The following MYO1F variants were observed in gnomAD, a reference collection of about 807,000 sequenced individuals.
MYO1F encodes myosin IF.
Under a neutral mutation model 146.6 loss-of-function variants are expected in MYO1F, and 60 were observed. The ratio of observed to expected loss-of-function variants is 0.41; its 90% CI spans 0.33 to 0.51. The LOEUF (loss-of-function observed/expected upper bound fraction) is 0.51, where lower values mean the gene tolerates loss of function less well. MYO1F is among the 20% of genes least tolerant of loss of function. MYO1F has a pLI of 0.25. For missense variants in MYO1F, 1,274 were observed against 1,534.3 expected, an observed-to-expected ratio of 0.83 and a Z score of 2.83; for synonymous variants, 602 against 602.1, an observed-to-expected ratio of 1.00 and a Z score of 0.00.
intron 1 of MYO1F, among the ~76,000 whole-genome samples, chr19:8,572,866 T>C (rs1197236352): frequency 1.3e-5 from 2 of 152,102 alleles, no homozygotes; most frequent in Admixed American, 1.3e-4. Context: ...TGGCTAACTT[T>C]TAAATGCTTT....
intron 16 of MYO1F, among the ~76,000 whole-genome samples, chr19:8,537,522 A>G (rs1170072609): frequency 1.3e-5 from 2 of 152,000 alleles, no homozygotes. Context: ...GCTCACTGCA[A>G]CCTCCACCAC....
At chr19:8,549,112 G>A (rs908967412) in intron 10 of MYO1F, among the ~76,000 whole-genome samples, 2 of 151,910 alleles carry the variant, frequency 1.3e-5, no homozygotes, top group African/African-American at 4.8e-5. Flanking sequence ...CACCACGCCC[G>A]GCTAATTCTT....
At chr19:8,547,983 T>TG in intron 12 of MYO1F, 53 bp downstream of exon 12, 55 of 1,371,014 alleles carry the variant, frequency 4.0e-5, no homozygotes, top group Non-Finnish European at 5.0e-5. Flanking sequence ...TCATGGTCCT[T>TG]CCACCCCACC....
intron 1 of MYO1F, among the ~76,000 whole-genome samples, chr19:8,564,052 G>C (rs2041956192): frequency 6.6e-6 from 1 of 152,104 alleles, no homozygotes; most frequent in South Asian, 2.1e-4. Context: ...GTTAATGTCG[G>C]GATTTAAAGG....
At chr19:8,560,410 G>A (rs967190711) in intron 1 of MYO1F, among the ~76,000 whole-genome samples, 12 of 151,328 alleles carry the variant, frequency 7.9e-5, no homozygotes, top group Admixed American at 2.6e-4. Flanking sequence ...GCTTGATCCC[G>A]GGAGGCAGAG....
At chr19:8,526,344 CAA>C (rs1210286261) in intron 24 of MYO1F, 107 bp downstream of exon 24, 11 of 1,463,776 alleles carry the variant, frequency 7.5e-6, no homozygotes, top group African/African-American at 5.9e-5. Flanking sequence ...CCACAAAACT[CAA>C]AAGTCTCTCT....
At chr19:8,572,564 G>A (rs188017021) in intron 1 of MYO1F, among the ~76,000 whole-genome samples, 4 of 152,166 alleles carry the variant, frequency 2.6e-5, no homozygotes, top group East Asian at 1.9e-4. Context: ...CACTGTGCCC[G>A]TGCCCAGTTA....
chr19:8,572,801 T>A (rs1555732293), intron 1 of MYO1F, among the ~76,000 whole-genome samples: 1 of 152,166 alleles, frequency 6.6e-6, no homozygotes, highest in East Asian at 1.9e-4. Context: ...GCTCAAGTGA[T>A]CTTCCCACCT....
intron 10 of MYO1F, among the ~76,000 whole-genome samples, 166 bp from the exon 11 acceptor site, chr19:8,548,483 C>T (rs984089766): frequency 6.6e-6 from 1 of 152,046 alleles, no homozygotes; most frequent in Non-Finnish European, 1.5e-5. Context: ...TGTGTACAGT[C>T]TCCCCACCCC....
At position 8,571,965 on chromosome 19, in the gene MYO1F, C is replaced by T. The variant is rs1210894237; in HGVS notation, c.3+5342G>A. Among the ~76,000 whole-genome samples, 9 of 151,746 alleles carry T rather than the reference C, an allele frequency of 5.9e-5. No individual in the cohort carries two copies. In the East Asian group the frequency reaches 1.2e-3, roughly 20 times the overall value. ...GTCTCGATCTCCTGACTTCGTGATC[C>T]GCACGCCTCGGCCTCCTAAAGTATT... On this transcript the variant is annotated intron_variant, in intron 1 of 27. Coordinates refer to ENST00000644032, the MANE Select transcript of MYO1F (RefSeq NM_012335.4).
chr19:8,539,859 G>T, intron 16 of MYO1F, 88 bp downstream of exon 16: 2 of 1,165,440 alleles, frequency 1.7e-6, no homozygotes, highest in Non-Finnish European at 2.5e-6. Flanking sequence ...GACAGACGTT[G>T]GAATGAGAGA....
intron 1 of MYO1F, among the ~76,000 whole-genome samples, chr19:8,562,296 G>A (rs146368535): frequency 4.8e-4 from 73 of 151,786 alleles, no homozygotes; most frequent in Non-Finnish European, 9.6e-4. Context: ...CCACCGCACC[G>A]GCCCTTCCTT....
At chr19:8,569,866 C>T (rs2042077209) in intron 1 of MYO1F, among the ~76,000 whole-genome samples, 1 of 152,120 alleles carries the variant, frequency 6.6e-6, no homozygotes. Context: ...AGCACATAGT[C>T]CTGCTGGCCT....
intron 1 of MYO1F, among the ~76,000 whole-genome samples, chr19:8,574,708 T>C (rs1217377477): frequency 6.7e-6 from 1 of 149,956 alleles, no homozygotes; most frequent in Non-Finnish European, 1.5e-5. Context: ...TCTCTTTCTT[T>C]CTTTTTCTTT....
intron 1 of MYO1F, among the ~76,000 whole-genome samples, chr19:8,574,529 CCCTT>C (rs1555732786): frequency 3.6e-4 from 50 of 139,638 alleles, no homozygotes; most frequent in East Asian, 1.0e-3. Flanking sequence ...CTTCTTTTTT[CCCTT>C]TCTTTCTTTC....
Position 8,561,435 on chromosome 19 carries a change from C to T in MYO1F, c.4-5639G>A, listed in dbSNP as rs1471089705. ...TCTCCCTCCCTTCCTTTCTCCTCTCCCTCCCTTCCTTCCTCCCTCTCTCCC... is the reference window on the plus strand; with the variant it reads ...TCTCCCTCCCTTCCTTTCTCCTCTCTCTCCCTTCCTTCCTCCCTCTCTCCC... On this transcript the variant is annotated intron_variant, in intron 1 of 27. Transcript: ENST00000644032. Among the ~76,000 whole-genome samples the T allele has an allele frequency of 7.6e-3, 854 of 112,162 alleles. 5 individuals are homozygous for T. The highest frequency in any genetic ancestry group is 0.048 in the East Asian group (117 of 2,426). 73.6% of individuals were successfully genotyped at this position (112,162 alleles called of 152,430 possible).
In MYO1F at chr19:8,520,968, A is replaced by G; in HGVS notation, c.*560T>C. The G allele has an allele frequency of 5.5e-6, 1 of 181,764 alleles. No homozygotes were observed. Among genetic ancestry groups the G allele is most frequent in the Non-Finnish European group, 1.2e-5 (1 of 84,854 alleles). 11.3% of individuals were successfully genotyped at this position (181,764 alleles called of 1,614,324 possible). A position where few individuals can be genotyped will look rare whatever the true frequency, so the allele number is the denominator to read the frequency against. On this transcript the variant is annotated 3_prime_UTR_variant, in exon 28 of 28. Coordinates refer to ENST00000644032, the MANE Select transcript of MYO1F (RefSeq NM_012335.4). ...AGCTTTATGGTCACATATGAATGCA[A>G]GGCATGGCTCTGTGCAGTCTTGGGT...
intron 12 of MYO1F, among the ~76,000 whole-genome samples, chr19:8,547,496 C>T (rs1485004566): frequency 2.7e-5 from 4 of 149,376 alleles, no homozygotes; most frequent in African/African-American, 7.4e-5. Context: ...CCCAGCTGCT[C>T]GGGAGGCTGA....
At position 8,552,054 on chromosome 19, in the gene MYO1F, C is replaced by T. The variant is rs193178220; in HGVS notation, c.615G>A (p.Arg205=). The T allele has an allele frequency of 9.2e-5, 149 of 1,614,034 alleles. No individual in the cohort carries two copies. In the African/African-American group the frequency reaches 1.7e-3, roughly 18 times the overall value. ...GCACCTGGTAGTAGATGTGGAAGTT[C>T]CTCTCATTTTCATTTTGCATGACCA... The part of the protein sequence containing the change: ...SRVVMQNENE[R]NFHIYYQLLE... Residue 205 remains arginine (R), a synonymous_variant, in exon 7 of 28, where the codon AGG becomes AGA. Transcript: ENST00000644032.
Sources: allele counts gnomAD v4.1 joint callset (sites outside exome capture counted in the v4.1 genomes callset), GRCh38; gene constraint gnomAD v4.1.1; transcripts MANE v1.5; gene names NCBI Gene and HGNC (gene_info 2026-07-23, HGNC 2026-07-21).